Variants in MTHFD1L observed in about 807,000 individuals in gnomAD.
The protein encoded by MTHFD1L is monofunctional C1-tetrahydrofolate synthase, mitochondrial.
Under a neutral mutation model 119.5 loss-of-function variants are expected in MTHFD1L, and 81 were observed. The ratio of observed to expected loss-of-function variants is 0.68; its 90% confidence interval spans 0.57 to 0.82. The LOEUF is 0.82. MTHFD1L is among the 40% of genes least tolerant of loss of function. MTHFD1L has a pLI of 0.00. For missense variants in MTHFD1L, 1,125 were observed against 1,253.4 expected (o/e 0.90, Z 1.55); for synonymous variants, 430 against 475.2 (o/e 0.90, Z 1.24).
intron 20 of MTHFD1L, among the ~76,000 whole-genome samples, chr6:151,007,402 G>C (rs1433535254): frequency 7.9e-5 from 12 of 152,108 alleles, no homozygotes; most frequent in Non-Finnish European, 2.9e-5. Context: ...CAAATGCTTA[G>C]GAATTCAATA....
intron 27 of MTHFD1L, among the ~76,000 whole-genome samples, chr6:151,095,314 T>A (rs370775439): frequency 6.6e-6 from 1 of 152,190 alleles, no homozygotes; most frequent in African/African-American, 2.4e-5. Flanking sequence ...TAATTGCTAT[T>A]TCCCCAATTG....
At chr6:150,947,269 A>G (rs1333726086) in intron 15 of MTHFD1L, among the ~76,000 whole-genome samples, 5 of 150,298 alleles carry the variant, frequency 3.3e-5, no homozygotes, top group African/African-American at 4.9e-5. Flanking sequence ...AATTTTTTGT[A>G]TTTTTAGTAG....
rs1029690689 is a variant in MTHFD1L at position 151,028,180 on chromosome 6, G to A, written c.2587-6313G>A. On this transcript the variant is annotated intron_variant, in intron 24 of 27. Coordinates refer to ENST00000367321, the MANE Select transcript of MTHFD1L (RefSeq NM_015440.5). ...CCCCTCACAGTACCGTCATGTGTGG[G>A]TGGTCGCGCTTGTCCTACAGGAAGT... 5.9e-5 allele frequency among the ~76,000 whole-genome samples: 9 copies of A among 152,244 alleles called. 1 individual carries two copies. The highest frequency in any genetic ancestry group is 1.9e-4 in the East Asian group (1 of 5,172).
Position 150,918,620 on chromosome 6 carries a change from C to T in MTHFD1L, c.936C>T (p.Leu312=). ...CGSPRIHFGG[L]IEEDDVILLA... ...CTCCAAGAATACATTTTGGTGGACT[C>T]ATTGAGGAAGATGATGTGATTCTCC... Residue 312 remains leucine (L), a synonymous_variant, in exon 9 of 28, where the codon CTC becomes CTT. Transcript: ENST00000367321. 1 of 1,614,074 alleles carries T rather than the reference C, an allele frequency of 6.2e-7. No homozygotes were observed. The highest frequency in any genetic ancestry group is 8.5e-7 in the Non-Finnish European group (1 of 1,179,992).
At chr6:150,905,459 G>A (rs975099180) in intron 7 of MTHFD1L, among the ~76,000 whole-genome samples, 191 bp from the exon 8 acceptor site, 3 of 152,048 alleles carry the variant, frequency 2.0e-5, no homozygotes, top group Admixed American at 6.6e-5. Context: ...TTTCTTTCTA[G>A]GATATGATAA....
rs375578885 is a variant in MTHFD1L, at chr6:150,885,083, G to A, written c.543-551G>A. ...TGTGTCCTGGTATATTGGCAGAACC[G>A]GAACACCCAATGTCAGGGCCAGGGT... On this transcript the variant is annotated intron_variant, in intron 5 of 27. Coordinates refer to ENST00000367321, the MANE Select transcript of MTHFD1L (RefSeq NM_015440.5). Among the ~76,000 whole-genome samples the A allele has an allele frequency of 1.5e-4, 23 of 152,270 alleles. No homozygotes were observed. The East Asian group carries it at 2.3e-3, about 15-fold the overall frequency.
chr6:151,019,390 T>C (rs549660793), intron 24 of MTHFD1L, among the ~76,000 whole-genome samples: 14 of 152,362 alleles, frequency 9.2e-5, no homozygotes, highest in Non-Finnish European at 1.8e-4. Flanking sequence ...TGAGTTATGC[T>C]GTCTCAGACA....
intron 15 of MTHFD1L, 151 bp downstream of exon 15, chr6:150,945,692 A>G: frequency 1.5e-6 from 1 of 684,944 alleles, no homozygotes; most frequent in South Asian, 1.9e-5. Context: ...ACACTGGAGC[A>G]GAGAGAGCAC....
intron 5 of MTHFD1L, among the ~76,000 whole-genome samples, chr6:150,883,912 G>C (rs1781782333): frequency 6.6e-6 from 1 of 152,096 alleles, no homozygotes; most frequent in Non-Finnish European, 1.5e-5. Flanking sequence ...GGGCTGGATG[G>C]GGAGGCTACC....
At chr6:150,985,160 G>A (rs191942776) in intron 20 of MTHFD1L, 1 of 152,310 alleles carries the variant, frequency 6.6e-6, no homozygotes, top group Admixed American at 6.5e-5. Flanking sequence ...TTACCTATAG[G>A]ATAAGCCTTC....
rs546395435 is a variant in MTHFD1L at position 150,947,766 on chromosome 6, G to T, written c.1624-1265G>T. On this transcript the variant is annotated intron_variant, in intron 15 of 27. Transcript: ENST00000367321. The stretch of plus-strand genomic sequence containing the variant: ...TATGTCTCTTCTGAGCAGCGTACAT[G>T]GTGGCCACATAGAGCAGCCCAAGGA... 2.0e-3 allele frequency among the ~76,000 whole-genome samples: 306 copies of T among 152,254 alleles called. 2 individuals carry two copies. The highest frequency in any genetic ancestry group is 7.1e-3 in the African/African-American group (296 of 41,556).
chr6:151,051,721 T>C (rs983972794), intron 26 of MTHFD1L, among the ~76,000 whole-genome samples: 11 of 152,216 alleles, frequency 7.2e-5, no homozygotes, highest in Admixed American at 1.3e-4. Flanking sequence ...GTACAATTAG[T>C]GCAGCCTTTG....
intron 5 of MTHFD1L, among the ~76,000 whole-genome samples, chr6:150,883,676 T>C (rs1781737468): frequency 6.6e-6 from 1 of 152,198 alleles, no homozygotes; most frequent in Non-Finnish European, 1.5e-5. Context: ...TGCTGTAATG[T>C]TGGCCTGTGA....
At chr6:150,955,518 T>TTTC (rs1562448984) in intron 16 of MTHFD1L, among the ~76,000 whole-genome samples, 2 of 117,410 alleles carry the variant, frequency 1.7e-5, no homozygotes, top group Non-Finnish European at 3.6e-5. Context: ...TTTTTTTTTT[T>TTTC]AGAGGGGGTC....
chr6:150,869,222 A>G (rs946241837), intron 1 of MTHFD1L, among the ~76,000 whole-genome samples: 16 of 152,140 alleles, frequency 1.1e-4, no homozygotes, highest in African/African-American at 3.9e-4. Context: ...GGTTTGTTAC[A>G]TAGGTATACA....
chr6:151,100,933 C>T (rs544213292), intron 27 of MTHFD1L, among the ~76,000 whole-genome samples: 103 of 152,070 alleles, frequency 6.8e-4, no homozygotes, highest in African/African-American at 2.0e-3. Context: ...ACAAGGCAGG[C>T]GGATCACTTG....
intron 26 of MTHFD1L, among the ~76,000 whole-genome samples, chr6:151,038,810 C>CG (rs767421781): frequency 6.6e-6 from 1 of 151,932 alleles, no homozygotes. Context: ...CCGTGGGGGC[C>CG]GGGGGAAGGG....
At chr6:150,885,846 A>C in intron 6 of MTHFD1L, 112 bp downstream of exon 6, 1 of 734,618 alleles carries the variant, frequency 1.4e-6, no homozygotes, top group East Asian at 2.8e-5. Flanking sequence ...TATTATTCTG[A>C]TATCCTTTTA....
intron 4 of MTHFD1L, among the ~76,000 whole-genome samples, chr6:150,881,644 C>A (rs1781411516): frequency 6.6e-6 from 1 of 152,074 alleles, no homozygotes; most frequent in Non-Finnish European, 1.5e-5. Context: ...CCCCACTGAA[C>A]CTTTATTTTT....
Sources: allele counts gnomAD v4.1 joint callset (sites outside exome capture counted in the v4.1 genomes callset), GRCh38; gene constraint gnomAD v4.1.1; transcripts MANE v1.5; gene names NCBI Gene and HGNC (gene_info 2026-07-23, HGNC 2026-07-21).